EHD1: variants seen among roughly 807,000 people sequenced by gnomAD.
EHD1 encodes the protein EH domain containing 1.
A neutral mutation model predicts 39.0 loss-of-function variants in EHD1; 19 were observed. The ratio of observed to expected loss-of-function variants is 0.49; its 90% CI spans 0.34 to 0.72. The LOEUF is 0.72. Ranked by LOEUF, EHD1 falls within the 30% of genes least tolerant of loss-of-function variation. The pLI is 0.01. For synonymous variants in EHD1, 323 were observed against 331.2 expected (o/e 0.98, Z 0.27); for missense variants, 542 against 751.5 (o/e 0.72, Z 3.26).
At chr11:64,863,510 C>G (rs965642972) in intron 2 of EHD1, among the ~76,000 whole-genome samples, 1 of 152,238 alleles carries the variant, frequency 6.6e-6, no homozygotes, top group Non-Finnish European at 1.5e-5. Context: ...CAAAGCCCTC[C>G]AGGACAAAGG....
intron 3 of EHD1, among the ~76,000 whole-genome samples, chr11:64,857,592 G>A (rs1943667393): frequency 6.6e-6 from 1 of 152,112 alleles, no homozygotes; most frequent in African/African-American, 2.4e-5. Flanking sequence ...GGTACTTGGG[G>A]CACAATGGGA....
rs1943598276 is a variant in EHD1 at position 64,853,000 on chromosome 11, C to T, written c.*1333G>A. 1 of 152,300 alleles carries T rather than the reference C, an allele frequency of 6.6e-6. No individual in the cohort carries two copies. The highest frequency in any genetic ancestry group is 2.1e-4 in the South Asian group (1 of 4,838). The allele number at this position is 152,300 out of a possible 1,614,324, so 9.4% of individuals were successfully genotyped here. A position where few individuals can be genotyped will look rare whatever the true frequency, so the allele number is the denominator to read the frequency against. ...GTGTGGTACCTGGTGCTCCACCTGC[C>T]TTGGTGCCATCACAGCCCGGACAGT... On this transcript the variant is annotated 3_prime_UTR_variant, in exon 5 of 5. Coordinates refer to ENST00000320631, the MANE Select transcript of EHD1 (RefSeq NM_006795.4).
rs1215501899 is a variant in EHD1, at chr11:64,854,608, C to T, written c.1330G>A (p.Asp444Asn). 1 of 1,613,986 alleles carries T rather than the reference C, an allele frequency of 6.2e-7. No homozygotes were observed. Among genetic ancestry groups the T allele is most frequent in the Admixed American group, 1.7e-5 (1 of 60,004 alleles). Residue 444 changes from aspartate to asparagine, a missense_variant, in exon 5 of 5, where the codon GAC (aspartate) becomes AAC (asparagine). Coordinates refer to ENST00000320631, the MANE Select transcript of EHD1 (RefSeq NM_006795.4). ...AAGATCTCGTCGTAGGTGGGCTTGT[C>T]CTTGCCCACCACCCACTCCACGTCG... ...IDDVEWVVGK[D>N]KPTYDEIFYT... is the part of the protein sequence containing the mutation.
At chr11:64,861,868 C>T (rs1460209851) in intron 2 of EHD1, among the ~76,000 whole-genome samples, 1 of 152,170 alleles carries the variant, frequency 6.6e-6, no homozygotes, top group Non-Finnish European at 1.5e-5. Flanking sequence ...TTGGACTGGA[C>T]AGACTCCAGC....
rs1432875715 is a variant in EHD1, at chr11:64,859,744, A to G, written c.915+180T>C. The G allele has an allele frequency of 1.5e-5, 13 of 844,758 alleles. 1 individual carries two copies. The East Asian group carries it at 2.2e-4, about 14-fold the overall frequency. The allele number at this position is 844,758 out of a possible 1,614,324, so 52.3% of individuals were successfully genotyped here. A position where few individuals can be genotyped will look rare whatever the true frequency, so the allele number is the denominator to read the frequency against. ...GGCCGGGTAGAGAATCTTAGTTAAG[A>G]GCAGGCTGCACGCGGGTGCTGACCA... On this transcript the variant is annotated intron_variant, in intron 3 of 4. Coordinates refer to ENST00000320631, the MANE Select transcript of EHD1 (RefSeq NM_006795.4).
Position 64,868,719 on chromosome 11 carries a change from C to T in EHD1, c.502+5702G>A, listed in dbSNP as rs1242255371. ...ATGGGAATACTCTCTGTCATGGTGG[C>T]GGCAGCCCAGGAATGCTTTGTACAG... On this transcript the variant is annotated intron_variant, in intron 2 of 4. Coordinates refer to ENST00000320631, the MANE Select transcript of EHD1 (RefSeq NM_006795.4). The surrounding 1 kb of genome is among the most constrained non-coding windows in gnomAD (Gnocchi z 4.2). Among the ~76,000 whole-genome samples the T allele has an allele frequency of 1.3e-5, 2 of 152,182 alleles. No homozygotes were observed. The highest frequency in any genetic ancestry group is 2.4e-5 in the African/African-American group (1 of 41,434).
At chr11:64,862,936 C>T (rs1943730310) in intron 2 of EHD1, among the ~76,000 whole-genome samples, 1 of 152,226 alleles carries the variant, frequency 6.6e-6, no homozygotes, top group Admixed American at 6.5e-5. Context: ...TTCTGTCCCT[C>T]CCGGTCTAGG....
At position 64,878,285 on chromosome 11, in the gene EHD1, C is replaced by CAT; in HGVS notation, c.178_179dup (p.Met60IlefsTer20). 1 of 1,614,194 alleles carries CAT rather than the reference C, an allele frequency of 6.2e-7. No individual in the cohort carries two copies. Among genetic ancestry groups the CAT allele is most frequent in the South Asian group, 1.1e-5 (1 of 91,088 alleles). On this transcript the variant is annotated frameshift_variant, in exon 1 of 5. Coordinates refer to ENST00000320631, the MANE Select transcript of EHD1 (RefSeq NM_006795.4). LOFTEE classifies it high-confidence loss of function. Reference sequence around the variant, plus strand: ...TGCTGTACTGCCCCACGAGGAGCACCATAGGCTTGTTGTCGAAGTCAGCGT... The same window carrying CAT: ...TGCTGTACTGCCCCACGAGGAGCACCATATAGGCTTGTTGTCGAAGTCAGCGT...
intron 1 of EHD1, among the ~76,000 whole-genome samples, chr11:64,877,613 G>C (rs1297505667): frequency 6.6e-6 from 1 of 152,210 alleles, no homozygotes; most frequent in African/African-American, 2.4e-5. Context: ...CACCGCACCA[G>C]AGAAGGGAAT....
chr11:64,854,527 TCTC>T lies in EHD1; in HGVS notation c.1408_1410del (p.Glu470del), dbSNP rs1294046108. On this transcript the variant is annotated inframe_deletion, in exon 5 of 5. Coordinates refer to ENST00000320631, the MANE Select transcript of EHD1 (RefSeq NM_006795.4). ...GTGTTGGGGAGCTTGGACTTCACCA[TCTC>T]CTTCTTGGCGTTGGCGCCCGTGATC... The T allele has an allele frequency of 6.2e-7, 1 of 1,614,122 alleles. No homozygotes were observed. Among genetic ancestry groups the T allele is most frequent in the Non-Finnish European group, 8.5e-7 (1 of 1,179,982 alleles).
At chr11:64,872,728 C>A (rs533982931) in intron 2 of EHD1, among the ~76,000 whole-genome samples, 1 of 152,186 alleles carries the variant, frequency 6.6e-6, no homozygotes, top group South Asian at 2.1e-4. Flanking sequence ...GATTTCAGTA[C>A]GCTCTGATGC....
chr11:64,867,084 T>G (rs892225476), intron 2 of EHD1, among the ~76,000 whole-genome samples: 4 of 152,070 alleles, frequency 2.6e-5, no homozygotes, highest in Admixed American at 2.0e-4. Context: ...CACCTACAAA[T>G]AGTTAAAATC....
rs1341761766 is a variant in EHD1, at chr11:64,851,882, C to T, written c.*2451G>A. The T allele has an allele frequency of 6.6e-6, 1 of 152,240 alleles. No individual in the cohort carries two copies. Among genetic ancestry groups the T allele is most frequent in the Non-Finnish European group, 1.5e-5 (1 of 68,030 alleles). 9.4% of individuals were successfully genotyped at this position (152,240 alleles called of 1,614,324 possible). A position where few individuals can be genotyped will look rare whatever the true frequency, so the allele number is the denominator to read the frequency against. ...TGTGAAATGGGGGAACATGAACTTC[C>T]TCAGATCGTGACAGCGCAGCTCCAC... On this transcript the variant is annotated 3_prime_UTR_variant, in exon 5 of 5. Transcript: ENST00000320631.
At chr11:64,855,511 G>A in intron 3 of EHD1, 25 bp from the exon 4 acceptor site, 1 of 1,612,730 alleles carries the variant, frequency 6.2e-7, no homozygotes, top group Non-Finnish European at 8.5e-7. Flanking sequence ...TGAGCATCAG[G>A]CGCTCTCTTG....
intron 2 of EHD1, among the ~76,000 whole-genome samples, chr11:64,864,814 G>C (rs1431265771): frequency 6.6e-6 from 1 of 152,168 alleles, no homozygotes; most frequent in Admixed American, 6.5e-5. Context: ...TGTTAGCTTT[G>C]GCCTGGGAGT....
At position 64,878,517 on chromosome 11, in the gene EHD1, G is replaced by A. The variant is rs1427133509; in HGVS notation, c.-53C>T. 4 of 1,535,898 alleles carry A rather than the reference G, an allele frequency of 2.6e-6. No individual in the cohort carries two copies. In the African/African-American group the frequency reaches 4.1e-5, roughly 16 times the overall value. On this transcript the variant is annotated 5_prime_UTR_variant, in exon 1 of 5. Coordinates refer to ENST00000320631, the MANE Select transcript of EHD1 (RefSeq NM_006795.4). ...GGGGCAGAGCGGCGGCTGAGAGCGG[G>A]GCGAGGGTGCGGAGCCGAGGCGGGG...
In EHD1 at chr11:64,878,465, A is replaced by T; in HGVS notation, c.-1T>A. Reference sequence around the variant, plus strand: ...CATCCTTGCTGACCCAGCTGAACATACTGCCGGACACGGGGCTGGCTGCTG... The same window carrying T: ...CATCCTTGCTGACCCAGCTGAACATTCTGCCGGACACGGGGCTGGCTGCTG... On this transcript the variant is annotated 5_prime_UTR_variant, in exon 1 of 5. Transcript: ENST00000320631. The T allele has an allele frequency of 6.3e-7, 1 of 1,598,868 alleles. No individual in the cohort carries two copies. The highest frequency in any genetic ancestry group is 8.5e-7 in the Non-Finnish European group (1 of 1,172,666).
chr11:64,878,596 G>C lies in EHD1; in HGVS notation c.-132C>G, dbSNP rs577681935. On this transcript the variant is annotated 5_prime_UTR_variant, in exon 1 of 5. Coordinates refer to ENST00000320631, the MANE Select transcript of EHD1 (RefSeq NM_006795.4). ...CCACACTGCGCAGGCGCACAGCCCA[G>C]CCCGTCGAAGCGCCCTCTGCCGAAT... is the stretch of plus-strand genomic sequence containing the variant. 15 of 1,427,370 alleles carry C rather than the reference G, an allele frequency of 1.1e-5. No homozygotes were observed. The highest frequency in any genetic ancestry group is 1.3e-5 in the Non-Finnish European group (14 of 1,096,572). The allele number at this position is 1,427,370 out of a possible 1,614,324, so 88.4% of individuals were successfully genotyped here. A position where few individuals can be genotyped will look rare whatever the true frequency, so the allele number is the denominator to read the frequency against.
chr11:64,878,052 G>C lies in EHD1; in HGVS notation c.404+9C>G, dbSNP rs771345322. The C allele has an allele frequency of 8.7e-6, 13 of 1,502,858 alleles. No homozygotes were observed. In the East Asian group the frequency reaches 2.8e-4, roughly 32 times the overall value. 93.1% of individuals were successfully genotyped at this position (1,502,858 alleles called of 1,614,324 possible). A position where few individuals can be genotyped will look rare whatever the true frequency, so the allele number is the denominator to read the frequency against. On this transcript the variant is annotated intron_variant, in intron 1 of 4. Transcript: ENST00000320631. ...GCGCCCCCCGCCCCCTGGAGTGATGGGTGGGTACCTGTTGAGGAAAGCGTT... is the reference window on the plus strand; with the variant it reads ...GCGCCCCCCGCCCCCTGGAGTGATGCGTGGGTACCTGTTGAGGAAAGCGTT...
Sources: gnomAD v4.1 joint callset for allele counts (sites outside exome capture counted in the v4.1 genomes callset) on GRCh38, gnomAD v4.1.1 for gene constraint, Gnocchi (gnomAD v3.1) non-coding constraint, MANE v1.5 for transcripts, NCBI Gene and HGNC (gene_info 2026-07-23, HGNC 2026-07-21) for gene names.